FAN1: variants seen among roughly 807,000 people sequenced by gnomAD.
FAN1 encodes fanconi-associated nuclease 1.
Under a neutral mutation model 104.9 loss-of-function variants are expected in FAN1, and 91 were observed. That is an observed-to-expected ratio of 0.87 (90% CI 0.73 to 1.03). The LOEUF (loss-of-function observed/expected upper bound fraction) is 1.03. Ranked by LOEUF, FAN1 falls within the 50% of genes least tolerant of loss-of-function variation. FAN1 has a pLI of 0.00. For synonymous variants in FAN1, 478 were observed against 457.6 expected (o/e 1.04, Z -0.57); for missense variants, 1,263 against 1,239.9 (o/e 1.02, Z -0.28).
rs113068948 is a variant in FAN1, at chr15:30,917,278, C to T, written c.1812-886C>T. ...GTCAGTGTGTGGGGTGCTCTTCAGC[C>T]GTTTGGTTGAAGCTGTTGTGTGTGG... is the stretch of plus-strand genomic sequence containing the variant. On this transcript the variant is annotated intron_variant, in intron 5 of 14. Transcript: ENST00000362065. Among the ~76,000 whole-genome samples, 1,374 of 151,986 alleles carry T rather than the reference C, an allele frequency of 9.0e-3. 22 individuals are homozygous for T. Among genetic ancestry groups the T allele is most frequent in the African/African-American group, 0.031 (1,269 of 41,448 alleles).
chr15:30,910,652 C>T lies in FAN1; in HGVS notation c.1414C>T (p.Leu472Phe). Residue 472 changes from leucine to phenylalanine, a missense_variant, in exon 4 of 15, where the codon CTT becomes TTT. Around this residue, in one of 2 missense-constraint regions of FAN1, gnomAD observed 682 missense variants for 571.1 expected, o/e 1.19. Coordinates refer to ENST00000362065, the MANE Select transcript of FAN1 (RefSeq NM_014967.5). ...AGAACTCTCTGAAGTGCTTGAACTC[C>T]TTTCTGCTCCTGAACTAAAATCCCT... ...LQELSEVLELLSAPELKSLAK... is the reference protein window; with the variant it reads ...LQELSEVLELFSAPELKSLAK... The T allele has an allele frequency of 6.2e-7, 1 of 1,613,044 alleles. No homozygotes were observed. The highest frequency in any genetic ancestry group is 8.5e-7 in the Non-Finnish European group (1 of 1,179,454).
Position 30,942,101 on chromosome 15 carries a change from G to C in FAN1, c.*539G>C. The C allele has an allele frequency of 2.5e-6, 4 of 1,578,780 alleles. No individual in the cohort carries two copies. Among genetic ancestry groups the C allele is most frequent in the Non-Finnish European group, 3.4e-6 (4 of 1,161,988 alleles). On this transcript the variant is annotated 3_prime_UTR_variant, in exon 15 of 15. Transcript: ENST00000362065. ...TACAGAAGAGATTTTATTATGTTCC[G>C]GGGATTCCCTTTTTAGAAAGATTGA... is the stretch of plus-strand genomic sequence containing the variant.
At position 30,905,573 on chromosome 15, in the gene FAN1, G is replaced by A. The variant is rs2061957984; in HGVS notation, c.910G>A (p.Val304Ile). 6.2e-7 allele frequency: 1 copy of A among 1,613,852 alleles called. No homozygotes were observed. The highest frequency in any genetic ancestry group is 1.3e-5 in the African/African-American group (1 of 74,934). The change falls in exon 2 of 15, where the codon GTA becomes ATA. Residue 304 changes from valine (V) to isoleucine (I), a missense_variant. Coordinates refer to ENST00000362065, the MANE Select transcript of FAN1 (RefSeq NM_014967.5). ...EKREACHCEE[V>I]KMTVASEAKI... ...ACGTGAGGCATGTCATTGTGAAGAA[G>A]TAAAAATGACTGTTGCTTCAGAAGC...
chr15:30,941,815 G>A lies in FAN1; in HGVS notation c.*253G>A. ...GGCTGATCTGGGCCTCGGGAACCCAGCGGAAGTAGCACAGTTTCCACAGTT... is the reference window on the plus strand; with the variant it reads ...GGCTGATCTGGGCCTCGGGAACCCAACGGAAGTAGCACAGTTTCCACAGTT... On this transcript the variant is annotated 3_prime_UTR_variant, in exon 15 of 15. Transcript: ENST00000362065. 3 of 1,614,072 alleles carry A rather than the reference G, an allele frequency of 1.9e-6. No homozygotes were observed. Among genetic ancestry groups the A allele is most frequent in the Non-Finnish European group, 2.5e-6 (3 of 1,179,908 alleles).
chr15:30,927,548 C>G, intron 10 of FAN1: 2 of 985,710 alleles, frequency 2.0e-6, no homozygotes, highest in Non-Finnish European at 2.4e-6. Context: ...TTCCTGCCCT[C>G]TGCTCTCACA....
rs8023403 is a variant in FAN1, at chr15:30,918,009, G to A, written c.1812-155G>A. Among the ~76,000 whole-genome samples, 5,709 of 152,118 alleles carry A rather than the reference G, an allele frequency of 0.038. 347 individuals carry two copies. The highest frequency in any genetic ancestry group is 0.13 in the African/African-American group (5,414 of 41,460). On this transcript the variant is annotated intron_variant, in intron 5 of 14. Coordinates refer to ENST00000362065, the MANE Select transcript of FAN1 (RefSeq NM_014967.5). ...CAGTTCTGGGCCACTCCAGTGATTT[G>A]GTTAAGATAAATTATTATTAGAATA...
In FAN1 at chr15:30,908,236, G is replaced by A. The variant is rs142501642; in HGVS notation, c.1353G>A (p.Thr451=). The change falls in exon 3 of 15, where the codon ACG becomes ACA. Residue 451 remains threonine, a synonymous_variant. Transcript: ENST00000362065. ...LDLTPVIEEL[T]NAGFLQTESE... Reference sequence around the variant, plus strand: ...TAACACCTGTGATTGAAGAATTGACGAATGCAGGCTTTCTACAGACAGGTA... The same window carrying A: ...TAACACCTGTGATTGAAGAATTGACAAATGCAGGCTTTCTACAGACAGGTA... The A allele has an allele frequency of 4.5e-5, 72 of 1,606,378 alleles. No homozygotes were observed. Among genetic ancestry groups the A allele is most frequent in the South Asian group, 5.6e-5 (5 of 88,698 alleles).
intron 14 of FAN1, among the ~76,000 whole-genome samples, chr15:30,938,303 A>G (rs2062924432): frequency 6.6e-6 from 1 of 152,242 alleles, no homozygotes; most frequent in South Asian, 2.1e-4. Flanking sequence ...TTTAGCTGTT[A>G]AACTTTTATG....
Position 30,941,568 on chromosome 15 carries a change from TC to T in FAN1, c.*9del, listed in dbSNP as rs756482480. 6.2e-7 allele frequency: 1 copy of T among 1,601,510 alleles called. No individual in the cohort carries two copies. Among genetic ancestry groups the T allele is most frequent in the East Asian group, 2.2e-5 (1 of 44,566 alleles). On this transcript the variant is annotated 3_prime_UTR_variant, in exon 15 of 15. Transcript: ENST00000362065. The stretch of plus-strand genomic sequence containing the variant: ...CCTAAAATGCTTCGTCTGCACAGAT[TC>T]CCTACAGGAGAAAATGGAAATGAGG...
intron 5 of FAN1, among the ~76,000 whole-genome samples, chr15:30,916,751 G>A (rs1415656074): frequency 6.6e-6 from 1 of 152,194 alleles, no homozygotes; most frequent in Non-Finnish European, 1.5e-5. Flanking sequence ...GGTTGTAGCA[G>A]TGAACAAGAG....
intron 5 of FAN1, among the ~76,000 whole-genome samples, chr15:30,914,478 C>T (rs145821078): frequency 2.3e-4 from 35 of 152,304 alleles, no homozygotes; most frequent in African/African-American, 7.7e-4. Flanking sequence ...GATCCTCCCA[C>T]CTCAGCCTCC....
chr15:30,938,231 T>C (rs1233085564), intron 14 of FAN1, among the ~76,000 whole-genome samples: 1 of 152,154 alleles, frequency 6.6e-6, no homozygotes, highest in Non-Finnish European at 1.5e-5. Context: ...TTCCTTCAAG[T>C]AATTAATTAT....
intron 12 of FAN1, among the ~76,000 whole-genome samples, chr15:30,930,259 T>C (rs1270135925): frequency 6.6e-6 from 1 of 151,720 alleles, no homozygotes; most frequent in Non-Finnish European, 1.5e-5. Flanking sequence ...CGTTCCTGAG[T>C]GCATCCTCCA....
At chr15:30,920,727 G>A in intron 7 of FAN1, 74 bp downstream of exon 7, 2 of 831,068 alleles carry the variant, frequency 2.4e-6, no homozygotes, top group South Asian at 1.7e-5. Context: ...CAGCTGTCGG[G>A]CTCTCAGCAT....
At chr15:30,905,929 T>A in intron 2 of FAN1, 32 bp downstream of exon 2, 1 of 1,581,122 alleles carries the variant, frequency 6.3e-7, no homozygotes, top group Non-Finnish European at 8.6e-7. Context: ...TTTCAAGTTT[T>A]CATTCCCCTT....
chr15:30,936,361 TG>T (rs1393348089), intron 13 of FAN1, among the ~76,000 whole-genome samples: 1 of 151,992 alleles, frequency 6.6e-6, no homozygotes, highest in African/African-American at 2.4e-5. Flanking sequence ...AAGTAGCAAG[TG>T]GAAGTGAGGG....
intron 14 of FAN1, chr15:30,940,417 T>TCTC: frequency 1.0e-6 from 1 of 985,388 alleles, no homozygotes; most frequent in Non-Finnish European, 1.2e-6. Flanking sequence ...ATTTTTTTAT[T>TCTC]TCTCCTCTAT....
rs769821081 is a variant in FAN1 at position 30,908,275 on chromosome 15, G to A, written c.1375+17G>A. The A allele has an allele frequency of 9.6e-6, 15 of 1,564,210 alleles. No homozygotes were observed. The highest frequency in any genetic ancestry group is 1.3e-5 in the Non-Finnish European group (15 of 1,157,914). ...TACAGACAGGTATGACTAGTAGAAG[G>A]AGATGTGAAATGAAAATATGATCTG... On this transcript the variant is annotated intron_variant, in intron 3 of 14. Transcript: ENST00000362065.
chr15:30,934,758 G>A (rs769013623), intron 13 of FAN1, among the ~76,000 whole-genome samples: 1 of 152,096 alleles, frequency 6.6e-6, no homozygotes, highest in Non-Finnish European at 1.5e-5. Flanking sequence ...AAGTGGTTGC[G>A]TTAGTATATT....
Sources: gnomAD v4.1 joint callset for allele counts (sites outside exome capture counted in the v4.1 genomes callset) on GRCh38, gnomAD v4.1.1 for gene constraint, gnomAD v4.1.1 regional missense constraint, MANE v1.5 for transcripts, NCBI Gene and HGNC (gene_info 2026-07-23, HGNC 2026-07-21) for gene names.